SLC12A8: variants seen among roughly 807,000 people sequenced by gnomAD.
SLC12A8 encodes the protein solute carrier family 12 member 8.
Under a neutral mutation model 75.6 loss-of-function variants are expected in SLC12A8, and 69 were observed. The ratio of observed to expected loss-of-function variants is 0.91; its 90% confidence interval spans 0.75 to 1.11. The LOEUF is 1.11. Ranked by LOEUF, SLC12A8 falls within the 50% of genes most tolerant of loss-of-function variation. SLC12A8 has a pLI of 0.00. For synonymous variants in SLC12A8, 365 were observed against 372.8 expected (o/e 0.98, Z 0.24); for missense variants, 877 against 896.7 (o/e 0.98, Z 0.28).
chr3:125,117,200 A>C (rs1269848097), intron 8 of SLC12A8, among the ~76,000 whole-genome samples: 1 of 152,218 alleles, frequency 6.6e-6, no homozygotes, highest in Non-Finnish European at 1.5e-5. Flanking sequence ...CTCTCAAAAG[A>C]AAATTCAGAG....
intron 5 of SLC12A8, among the ~76,000 whole-genome samples, chr3:125,137,070 G>C (rs989601864): frequency 8.5e-5 from 13 of 152,262 alleles, no homozygotes; most frequent in Admixed American, 7.2e-4. Context: ...TAGGGTTTCA[G>C]GGACAGAATT....
At chr3:125,112,105 A>G (rs773427485) in intron 8 of SLC12A8, among the ~76,000 whole-genome samples, 1 of 152,198 alleles carries the variant, frequency 6.6e-6, no homozygotes, top group Admixed American at 6.5e-5. Flanking sequence ...TTTCTATTAC[A>G]CACAATGGGG....
intron 2 of SLC12A8, among the ~76,000 whole-genome samples, chr3:125,191,845 T>C (rs4679368): frequency 0.11 from 16,607 of 152,212 alleles, 951 homozygotes; most frequent in African/African-American, 0.15. Flanking sequence ...AGGGGACCCC[T>C]TGTGTCTCCG....
Position 125,208,174 on chromosome 3 carries a change from G to A in SLC12A8, c.51+3125C>T, listed in dbSNP as rs1560087439. ...GGCTTGGCCTGCCAGAAGTTCGGTG[G>A]GTCTCCAAACACACACTCACATTCC... On this transcript the variant is annotated intron_variant, in intron 2 of 13. Coordinates refer to ENST00000469902, the MANE Select transcript of SLC12A8 (RefSeq NM_024628.6). Among the ~76,000 whole-genome samples the A allele has an allele frequency of 5.3e-5, 8 of 152,210 alleles. No individual in the cohort carries two copies. The South Asian group carries it at 1.7e-3, about 32-fold the overall frequency.
chr3:125,191,664 T>C (rs1934911573), intron 2 of SLC12A8, among the ~76,000 whole-genome samples: 1 of 152,192 alleles, frequency 6.6e-6, no homozygotes, highest in African/African-American at 2.4e-5. Context: ...CTGAGAACAA[T>C]GGGTGCGCCC....
At chr3:125,092,456 C>T (rs965500995) in intron 10 of SLC12A8, among the ~76,000 whole-genome samples, 1 of 152,124 alleles carries the variant, frequency 6.6e-6, no homozygotes, top group East Asian at 1.9e-4. Context: ...CCAGATATGT[C>T]ATCTGGGGCA....
Position 125,082,987 on chromosome 3 carries a change from T to C in SLC12A8, c.*903A>G, listed in dbSNP as rs1938364479. 1 of 152,208 alleles carries C rather than the reference T, an allele frequency of 6.6e-6. No individual in the cohort carries two copies. Among genetic ancestry groups the C allele is most frequent in the South Asian group, 2.1e-4 (1 of 4,836 alleles). The allele number at this position is 152,208 out of a possible 1,614,324, so 9.4% of individuals were successfully genotyped here. A position where few individuals can be genotyped will look rare whatever the true frequency, so the allele number is the denominator to read the frequency against. On this transcript the variant is annotated 3_prime_UTR_variant, in exon 14 of 14. Transcript: ENST00000469902. ...AACATGTGTATAACGTGCTAACTTT[T>C]GTGTATAAAGAGAGAATGTGAGACT...
intron 4 of SLC12A8, among the ~76,000 whole-genome samples, chr3:125,186,774 C>A (rs1579533450): frequency 6.6e-6 from 1 of 152,250 alleles, no homozygotes; most frequent in African/African-American, 2.4e-5. Flanking sequence ...CTGTGAAGGC[C>A]ACCCGAGCTA....
chr3:125,136,525 T>C (rs1421504079), intron 5 of SLC12A8, among the ~76,000 whole-genome samples: 2 of 152,214 alleles, frequency 1.3e-5, no homozygotes, highest in Non-Finnish European at 2.9e-5. Flanking sequence ...CCTTGAGGCA[T>C]GAAATCCAGG....
intron 2 of SLC12A8, 67 bp from the exon 3 acceptor site, chr3:125,190,588 G>A (rs1934892798): frequency 1.9e-6 from 3 of 1,567,984 alleles, no homozygotes; most frequent in Non-Finnish European, 2.6e-6. Context: ...CATGAGAGTG[G>A]AACAGGAGGA....
In SLC12A8 at chr3:125,177,778, T is replaced by C; in HGVS notation, c.587A>G (p.Asp196Gly). 1 of 1,613,950 alleles carries C rather than the reference T, an allele frequency of 6.2e-7. No homozygotes were observed. Among genetic ancestry groups the C allele is most frequent in the Non-Finnish European group, 8.5e-7 (1 of 1,179,978 alleles). The change falls in exon 5 of 14, where the codon GAC (aspartate) becomes GGC (glycine). Residue 196 changes from aspartate to glycine, a missense_variant. Physicochemically the swap from Asp to Gly is moderately conservative, Grantham distance 94 (BLOSUM62 -1). Transcript: ENST00000469902. Reference sequence around the variant, plus strand: ...GTGGGTGAAAGAACCCACCACAAAGTCCAGTGTGGACACGGCCAGCAGGAA... The same window carrying C: ...GTGGGTGAAAGAACCCACCACAAAGCCCAGTGTGGACACGGCCAGCAGGAA... ...LLFLLAVSTL[D>G]FVVGSFTHLD...
At chr3:125,131,948 G>C (rs2981511) in intron 6 of SLC12A8, among the ~76,000 whole-genome samples, 11,222 of 152,216 alleles carry the variant, frequency 0.074, 491 homozygotes, top group Admixed American at 0.095. Flanking sequence ...CCCCCAGAAG[G>C]AAAGGTTTGG....
At position 125,177,801 on chromosome 3, in the gene SLC12A8, G is replaced by GAACAGC. The variant is rs751352509; in HGVS notation, c.558_563dup (p.Leu186_Leu187dup). On this transcript the variant is annotated inframe_insertion, in exon 5 of 14. Coordinates refer to ENST00000469902, the MANE Select transcript of SLC12A8 (RefSeq NM_024628.6). ...AGTCCAGTGTGGACACGGCCAGCAG[G>GAACAGC]AACAGCAACAGCAGCTGGAGGCGGA... 1 of 1,614,194 alleles carries GAACAGC rather than the reference G, an allele frequency of 6.2e-7. No individual in the cohort carries two copies. Among genetic ancestry groups the GAACAGC allele is most frequent in the South Asian group, 1.1e-5 (1 of 91,082 alleles).
intron 2 of SLC12A8, among the ~76,000 whole-genome samples, chr3:125,202,319 A>G (rs1935137358): frequency 6.6e-6 from 1 of 152,250 alleles, no homozygotes; most frequent in African/African-American, 2.4e-5. Context: ...TGGCCAGAGA[A>G]AGTATAAAAT....
intron 11 of SLC12A8, 94 bp from the exon 12 acceptor site, chr3:125,091,650 C>T: frequency 1.2e-6 from 1 of 813,858 alleles, no homozygotes; most frequent in East Asian, 2.5e-5. Context: ...AACATTCCCT[C>T]TCATCAACTT....
chr3:125,086,296 G>T (rs2107728754), intron 13 of SLC12A8, among the ~76,000 whole-genome samples: 1 of 152,258 alleles, frequency 6.6e-6, no homozygotes, highest in African/African-American at 2.4e-5. Flanking sequence ...CCACCTCACA[G>T]CCCACAGAGC....
chr3:125,098,554 C>CCACACACACACACA lies in SLC12A8; in HGVS notation c.1706-6370_1706-6357dup, dbSNP rs3222429. Among the ~76,000 whole-genome samples, 111 of 144,024 alleles carry CCACACACACACACA rather than the reference C, an allele frequency of 7.7e-4. 1 individual carries two copies. Among genetic ancestry groups the CCACACACACACACA allele is most frequent in the East Asian group, 5.3e-3 (26 of 4,896 alleles). 94.5% of individuals were successfully genotyped at this position (144,024 alleles called of 152,430 possible). A position where few individuals can be genotyped will look rare whatever the true frequency, so the allele number is the denominator to read the frequency against. ...GTATGAAGAGGTCAGTGAATCTTCT[C>CCACACACACACACA]CACACACACACACACACACACACAC... On this transcript the variant is annotated intron_variant, in intron 10 of 13. Transcript: ENST00000469902.
chr3:125,198,502 G>A lies in SLC12A8; in HGVS notation c.52-7981C>T, dbSNP rs150329499. On this transcript the variant is annotated intron_variant, in intron 2 of 13. Transcript: ENST00000469902. ...ACAAAAATTAGCTGGGTGTGGTGGCGGATGCCTGTAATCCCAGCTACTCGG... is the reference window on the plus strand; with the variant it reads ...ACAAAAATTAGCTGGGTGTGGTGGCAGATGCCTGTAATCCCAGCTACTCGG... Among the ~76,000 whole-genome samples the A allele has an allele frequency of 8.1e-3, 1,225 of 152,086 alleles. 14 individuals are homozygous for A. Among genetic ancestry groups the A allele is most frequent in the African/African-American group, 0.027 (1,137 of 41,506 alleles).
At chr3:125,197,220 G>A (rs1935024913) in intron 2 of SLC12A8, among the ~76,000 whole-genome samples, 1 of 152,180 alleles carries the variant, frequency 6.6e-6, no homozygotes, top group South Asian at 2.1e-4. Context: ...GGCCCTGAAA[G>A]TAAATAATAG....
Sources: gnomAD v4.1 joint callset for allele counts (sites outside exome capture counted in the v4.1 genomes callset) on GRCh38, gnomAD v4.1.1 for gene constraint, MANE v1.5 for transcripts, NCBI Gene and HGNC (gene_info 2026-07-23, HGNC 2026-07-21) for gene names.